The following NARS1 variants were observed in gnomAD, a reference collection of about 807,000 sequenced individuals.
NARS1 encodes asparagine--tRNA ligase, cytoplasmic.
In NARS1, 65 loss-of-function variants were observed where a neutral mutation model predicts 79.2. That is an observed-to-expected ratio of 0.82 (90% CI 0.67 to 1.01). The LOEUF (loss-of-function observed/expected upper bound fraction) is 1.01. Among genes scored for constraint, NARS1 ranks in the 50% least tolerant of loss-of-function variants. NARS1 has a pLI of 0.00. For missense variants in NARS1, 649 were observed against 673.8 expected (o/e 0.96, Z 0.41); for synonymous variants, 229 against 238.8 (o/e 0.96, Z 0.38).
intron 2 of NARS1, among the ~76,000 whole-genome samples, chr18:57,617,998 C>T (rs1908129568): frequency 1.3e-5 from 2 of 150,686 alleles, no homozygotes; most frequent in African/African-American, 4.9e-5. Context: ...ATGTAGGGGC[C>T]AGGCGCAGTG....
chr18:57,607,654 G>A lies in NARS1; in HGVS notation c.591C>T (p.Gly197=), dbSNP rs757563158. ...CCCAGAAGTCACAACTCAGCTCATGGCCACCTGGAGCCTGCATTTTTTAAA... is the reference window on the plus strand; with the variant it reads ...CCCAGAAGTCACAACTCAGCTCATGACCACCTGGAGCCTGCATTTTTTAAA... The part of the protein sequence containing the change: ...LTPKGKQAPG[G]HELSCDFWEL... The change falls in exon 8 of 14, where the codon GGC becomes GGT. Residue 197 remains glycine, a synonymous_variant. Transcript: ENST00000256854. 116 of 1,607,578 alleles carry A rather than the reference G, an allele frequency of 7.2e-5. No homozygotes were observed. The South Asian group carries it at 9.0e-4, about 13-fold the overall frequency.
At chr18:57,610,967 T>TC (rs997524012) in intron 6 of NARS1, among the ~76,000 whole-genome samples, 1 of 143,100 alleles carries the variant, frequency 7.0e-6, no homozygotes, top group African/African-American at 2.6e-5. Flanking sequence ...ACTATTATCT[T>TC]TTTTTTTTTT....
At chr18:57,619,623 T>C (rs1908210032) in intron 2 of NARS1, among the ~76,000 whole-genome samples, 1 of 152,118 alleles carries the variant, frequency 6.6e-6, no homozygotes, top group Non-Finnish European at 1.5e-5. Context: ...CCATGGTCTA[T>C]TTTAAGAAGG....
Position 57,605,955 on chromosome 18 carries a change from T to TG in NARS1, c.1152dup (p.Lys385GlnfsTer20), listed in dbSNP as rs1424147998. The TG allele has an allele frequency of 3.1e-6, 5 of 1,612,964 alleles. No individual in the cohort carries two copies. Among genetic ancestry groups the TG allele is most frequent in the Non-Finnish European group, 4.2e-6 (5 of 1,179,344 alleles). On this transcript the variant is annotated frameshift_variant, in exon 11 of 14. Transcript: ENST00000256854. LOFTEE classifies it high-confidence loss of function. Reference sequence around the variant, plus strand: ...TAGTTCATCCGTTTGAAAGGCCGTTTGGGGGGCTGAAAGTTCTACAGAAGA... The same window carrying TG: ...TAGTTCATCCGTTTGAAAGGCCGTTTGGGGGGGCTGAAAGTTCTACAGAAGA...
At position 57,601,589 on chromosome 18, in the gene NARS1, G is replaced by T; in HGVS notation, c.*63C>A. The T allele has an allele frequency of 6.8e-7, 1 of 1,474,940 alleles. No homozygotes were observed. Among genetic ancestry groups the T allele is most frequent in the Non-Finnish European group, 9.1e-7 (1 of 1,094,626 alleles). 91.4% of individuals were successfully genotyped at this position (1,474,940 alleles called of 1,614,324 possible). On this transcript the variant is annotated 3_prime_UTR_variant, in exon 14 of 14. Coordinates refer to ENST00000256854, the MANE Select transcript of NARS1 (RefSeq NM_004539.4). Reference sequence around the variant, plus strand: ...AAAAAAAGGAAGATTCTGGCTTTTTGTTTTCTTTTTTAAAGAGCCTGTTCC... The same window carrying T: ...AAAAAAAGGAAGATTCTGGCTTTTTTTTTTCTTTTTTAAAGAGCCTGTTCC...
rs367826619 is a variant in NARS1, at chr18:57,601,607, C to G, written c.*45G>C. 1.9e-6 allele frequency: 3 copies of G among 1,590,602 alleles called. No individual in the cohort carries two copies. The highest frequency in any genetic ancestry group is 1.1e-5 in the South Asian group (1 of 89,184). ...GCTTTTTGTTTTCTTTTTTAAAGAG[C>G]CTGTTCCTTTCATAATCTTTCCTCC... On this transcript the variant is annotated 3_prime_UTR_variant, in exon 14 of 14. Coordinates refer to ENST00000256854, the MANE Select transcript of NARS1 (RefSeq NM_004539.4).
chr18:57,612,030 T>G (rs112490571), intron 5 of NARS1, among the ~76,000 whole-genome samples: 23,745 of 152,168 alleles, frequency 0.16, 2,126 homozygotes, highest in Non-Finnish European at 0.2. Flanking sequence ...GCGCTGATAT[T>G]ACAGGTGTGA....
chr18:57,620,478 G>A lies in NARS1; in HGVS notation c.93+91C>T, dbSNP rs1437520104. 10 of 834,104 alleles carry A rather than the reference G, an allele frequency of 1.2e-5. No individual in the cohort carries two copies. The East Asian group carries it at 2.2e-4, about 19-fold the overall frequency. The allele number at this position is 834,104 out of a possible 1,614,324, so 51.7% of individuals were successfully genotyped here. A position where few individuals can be genotyped will look rare whatever the true frequency, so the allele number is the denominator to read the frequency against. ...CTGAAAATTCTCTTTGGAACCTAGTGTTTGAAATTAAGTTCTTGGCAAGTC... is the reference window on the plus strand; with the variant it reads ...CTGAAAATTCTCTTTGGAACCTAGTATTTGAAATTAAGTTCTTGGCAAGTC... On this transcript the variant is annotated intron_variant, in intron 2 of 13. Transcript: ENST00000256854.
chr18:57,607,186 T>G lies in NARS1; in HGVS notation c.949A>C (p.Ile317Leu), dbSNP rs201475419. The G allele has an allele frequency of 1.2e-6, 2 of 1,613,926 alleles. No individual in the cohort carries two copies. The highest frequency in any genetic ancestry group is 2.7e-5 in the African/African-American group (2 of 74,892). ...CLPALGDVFCIAQSYRAEQSR... is the reference protein window; with the variant it reads ...CLPALGDVFCLAQSYRAEQSR... Reference sequence around the variant, plus strand: ...TGCTCTGCCCGGTATGACTGAGCAATACAAAAAACATCTCCCAGGGCTGGG... The same window carrying G: ...TGCTCTGCCCGGTATGACTGAGCAAGACAAAAAACATCTCCCAGGGCTGGG... Residue 317 changes from isoleucine to leucine, a missense_variant, in exon 9 of 14, where the codon ATT (isoleucine) becomes CTT (leucine). By Grantham distance (5) the Ile-to-Leu change is conservative. Transcript: ENST00000256854.
In NARS1 at chr18:57,605,939, C is replaced by T. The variant is rs376571019; in HGVS notation, c.1169G>A (p.Arg390Gln). The T allele has an allele frequency of 1.6e-5, 25 of 1,612,876 alleles. No homozygotes were observed. Among genetic ancestry groups the T allele is most frequent in the Non-Finnish European group, 2.0e-5 (23 of 1,179,482 alleles). Reference sequence around the variant, plus strand: ...AACGATAGCATCTGAATAGTTCATCCGTTTGAAAGGCCGTTTGGGGGGCTG... The same window carrying T: ...AACGATAGCATCTGAATAGTTCATCTGTTTGAAAGGCCGTTTGGGGGGCTG... ...NFQPPKRPFK[R>Q]MNYSDAIVWL... Residue 390 changes from arginine to glutamine, a missense_variant, in exon 11 of 14, where the codon CGG becomes CAG. Physicochemically the swap from Arg to Gln is conservative, Grantham distance 43. Coordinates refer to ENST00000256854, the MANE Select transcript of NARS1 (RefSeq NM_004539.4).
chr18:57,613,893 A>G (rs317818), intron 4 of NARS1, among the ~76,000 whole-genome samples: 145,949 of 152,296 alleles, frequency 0.96, 70,252 homozygotes, highest in East Asian at 1. Context: ...TTCTTTCTTA[A>G]TGTAAAACTG....
At chr18:57,611,735 C>T (rs773997593) in intron 5 of NARS1, 28 bp from the exon 6 acceptor site, 4 of 1,414,016 alleles carry the variant, frequency 2.8e-6, no homozygotes, top group Non-Finnish European at 2.9e-6. Flanking sequence ...ATAATTTAGG[C>T]AGACTGTTCT....
At position 57,615,280 on chromosome 18, in the gene NARS1, A is replaced by G. The variant is rs562599671; in HGVS notation, c.342+361T>C. 4.6e-5 allele frequency among the ~76,000 whole-genome samples: 7 copies of G among 152,310 alleles called. No homozygotes were observed. The South Asian group carries it at 1.4e-3, about 32-fold the overall frequency. Reference sequence around the variant, plus strand: ...CACTTTGGGAGGTCGAGGTGGGCAGATCACGAGATCGGGAGATCAAGACCA... The same window carrying G: ...CACTTTGGGAGGTCGAGGTGGGCAGGTCACGAGATCGGGAGATCAAGACCA... On this transcript the variant is annotated intron_variant, in intron 4 of 13. Coordinates refer to ENST00000256854, the MANE Select transcript of NARS1 (RefSeq NM_004539.4).
chr18:57,606,793 A>C (rs976235569), intron 9 of NARS1, 42 bp from the exon 10 acceptor site: 1 of 1,609,166 alleles, frequency 6.2e-7, no homozygotes, highest in Non-Finnish European at 8.5e-7. Flanking sequence ...TTTCTCCTGC[A>C]CTGGTTTTTT....
intron 2 of NARS1, among the ~76,000 whole-genome samples, chr18:57,616,948 C>CAAAAAAAAAAAAA (rs59363506): frequency 2.7e-5 from 2 of 72,804 alleles, no homozygotes; most frequent in Non-Finnish European, 4.7e-5. Flanking sequence ...GACTCTGTCT[C>CAAAAAAAAAAAAA]AAAAAAAAAA....
chr18:57,617,449 G>A (rs1908095830), intron 2 of NARS1, among the ~76,000 whole-genome samples: 4 of 151,726 alleles, frequency 2.6e-5, no homozygotes, highest in African/African-American at 4.8e-5. Flanking sequence ...GCGGGCACCT[G>A]TAGTCCCAGC....
chr18:57,606,949 G>T, intron 9 of NARS1, 185 bp downstream of exon 9: 1 of 913,936 alleles, frequency 1.1e-6, no homozygotes, highest in Non-Finnish European at 1.6e-6. Context: ...AAAAGATCAA[G>T]TCAAAGTGAA....
intron 2 of NARS1, 30 bp downstream of exon 2, chr18:57,620,539 T>C (rs760684766): frequency 2.1e-6 from 3 of 1,432,144 alleles, no homozygotes; most frequent in Non-Finnish European, 2.9e-6. Flanking sequence ...ATAAATGCAG[T>C]CTCATTTTCC....
At position 57,602,920 on chromosome 18, in the gene NARS1, T is replaced by C. The variant is rs1485206181; in HGVS notation, c.1275A>G (p.Arg425=). The C allele has an allele frequency of 1.2e-6, 2 of 1,613,986 alleles. No homozygotes were observed. Among genetic ancestry groups the C allele is most frequent in the African/African-American group, 1.3e-5 (1 of 74,926 alleles). Residue 425 remains arginine (R), a synonymous_variant, in exon 12 of 14, where the codon AGA becomes AGG. Coordinates refer to ENST00000256854, the MANE Select transcript of NARS1 (RefSeq NM_004539.4). ...FGEDIPEAPE[R]LMTDTINEPI... is the part of the protein sequence containing the mutation. ...GTTCATTAATGGTGTCTGTCATCAG[T>C]CTCTCAGGAGCTTCTGGGATATCCT...
Sources: allele counts gnomAD v4.1 joint callset (sites outside exome capture counted in the v4.1 genomes callset), GRCh38; gene constraint gnomAD v4.1.1; transcripts MANE v1.5; gene names NCBI Gene and HGNC (gene_info 2026-07-23, HGNC 2026-07-21).